The following PSMD1 variants were observed in gnomAD, a reference collection of about 807,000 sequenced individuals.
The protein encoded by PSMD1 is proteasome 26S subunit, non-ATPase 1, also known as 26S proteasome non-ATPase regulatory subunit 1.
PSMD1 carries 18 observed loss-of-function variants against 119.0 expected under a neutral mutation model. The observed-to-expected ratio is 0.15, with a 90% CI of 0.10 to 0.22. The LOEUF is 0.22. PSMD1 is among the 10% of genes least tolerant of loss of function. The probability of loss-of-function intolerance (pLI) is 1.00; values close to 1 mark genes in which losing one functional copy is unlikely to be tolerated. For missense variants in PSMD1, 702 were observed against 1,158.5 expected, an observed-to-expected ratio of 0.61 and a Z score of 5.72; for synonymous variants, 374 against 396.6, an observed-to-expected ratio of 0.94 and a Z score of 0.68.
intron 7 of PSMD1, 149 bp downstream of exon 7, chr2:231,072,564 G>C: frequency 1.4e-6 from 1 of 696,524 alleles, no homozygotes; most frequent in Non-Finnish European, 2.4e-6. Flanking sequence ...CTGTTGCTCT[G>C]TTTTGTACTG....
chr2:231,124,832 A>G (rs185420028), intron 16 of PSMD1: 1 of 151,864 alleles, frequency 6.6e-6, no homozygotes, highest in Admixed American at 6.6e-5. Context: ...GTTTTTAAAA[A>G]CTCTCCTTTA....
At chr2:231,156,648 TC>T (rs542705392) in intron 19 of PSMD1, among the ~76,000 whole-genome samples, 84 of 152,266 alleles carry the variant, frequency 5.5e-4, no homozygotes, top group African/African-American at 1.9e-3. Context: ...TGTAGTGATA[TC>T]CCCTTTTTCA....
intron 16 of PSMD1, chr2:231,113,959 T>G: frequency 6.3e-7 from 1 of 1,591,090 alleles, no homozygotes; most frequent in Non-Finnish European, 8.6e-7. Flanking sequence ...GACAAACATT[T>G]TATTCTATAA....
At chr2:231,154,606 T>C (rs1278424024) in intron 19 of PSMD1, among the ~76,000 whole-genome samples, 1 of 152,208 alleles carries the variant, frequency 6.6e-6, no homozygotes, top group Non-Finnish European at 1.5e-5. Flanking sequence ...TAGCTGAGAC[T>C]ACAAGCATAT....
At chr2:231,159,252 A>G (rs1350137950) in intron 19 of PSMD1, among the ~76,000 whole-genome samples, 1 of 152,326 alleles carries the variant, frequency 6.6e-6, no homozygotes, top group East Asian at 1.9e-4. Flanking sequence ...AAGTTCTGTG[A>G]TCCAGCACTA....
chr2:231,105,573 T>G (rs2125198094), intron 16 of PSMD1, among the ~76,000 whole-genome samples: 1 of 152,220 alleles, frequency 6.6e-6, no homozygotes, highest in East Asian at 1.9e-4. Flanking sequence ...ACAGTCTTGG[T>G]GGTCCCTTGC....
chr2:231,082,648 T>C (rs1182654682), intron 12 of PSMD1, among the ~76,000 whole-genome samples: 1 of 152,194 alleles, frequency 6.6e-6, no homozygotes, highest in Non-Finnish European at 1.5e-5. Flanking sequence ...GAGTTTGCAG[T>C]GAGCCCAGAT....
chr2:231,112,301 T>G (rs764834272), intron 16 of PSMD1, among the ~76,000 whole-genome samples: 9 of 152,244 alleles, frequency 5.9e-5, no homozygotes, highest in Non-Finnish European at 8.8e-5. Context: ...ATTCCCTTTC[T>G]GTAGCTGCTT....
At chr2:231,108,208 A>G in intron 16 of PSMD1, 1 of 283,656 alleles carries the variant, frequency 3.5e-6, no homozygotes, top group Non-Finnish European at 6.7e-6. Flanking sequence ...TAGAAACCAA[A>G]TAAATTTTAT....
chr2:231,072,515 T>G, intron 7 of PSMD1, 100 bp downstream of exon 7: 1 of 1,109,738 alleles, frequency 9.0e-7, no homozygotes, highest in Non-Finnish European at 1.3e-6. Flanking sequence ...AAGAATAAAT[T>G]TTGCCACTAG....
At chr2:231,153,777 C>G in intron 19 of PSMD1, 111 bp downstream of exon 19, 1 of 787,322 alleles carries the variant, frequency 1.3e-6, no homozygotes, top group Non-Finnish European at 2.0e-6. Context: ...CAAATTATTC[C>G]TGGAGAAAAT....
At chr2:231,159,120 C>T (rs1322541003) in intron 19 of PSMD1, among the ~76,000 whole-genome samples, 1 of 152,066 alleles carries the variant, frequency 6.6e-6, no homozygotes, top group East Asian at 1.9e-4. Context: ...ACACTGAGAT[C>T]AAGAGAAGAG....
intron 21 of PSMD1, among the ~76,000 whole-genome samples, chr2:231,164,773 T>C (rs978140238): frequency 2.0e-5 from 3 of 151,832 alleles, no homozygotes; most frequent in Admixed American, 2.0e-4. Context: ...AGAGAGGATA[T>C]CTACAACCAG....
rs555741292 is a variant in PSMD1, at chr2:231,166,553, G to C, written c.2715+536G>C. Among the ~76,000 whole-genome samples the C allele has an allele frequency of 8.8e-5, 13 of 147,418 alleles. No individual in the cohort carries two copies. The South Asian group carries it at 2.6e-3, about 30-fold the overall frequency. ...ATTACACCATTGTCATAAATGCATT[G>C]CATTTTAGTTAGAAAAGGATCTTCA... On this transcript the variant is annotated intron_variant, in intron 23 of 24. Coordinates refer to ENST00000308696, the MANE Select transcript of PSMD1 (RefSeq NM_002807.4).
chr2:231,113,947 AAGACAAACAT>A, intron 16 of PSMD1: 1 of 1,604,662 alleles, frequency 6.2e-7, no homozygotes, highest in Non-Finnish European at 8.5e-7. Flanking sequence ...AAACAAAAAC[AAGACAAACAT>A]TTTATTCTAT....
chr2:231,068,606 C>A (rs1481036268), intron 5 of PSMD1, among the ~76,000 whole-genome samples: 1 of 152,188 alleles, frequency 6.6e-6, no homozygotes, highest in Admixed American at 6.5e-5. Context: ...CTGACTAGCA[C>A]AACGAAATCT....
At chr2:231,142,832 A>G (rs1475423147) in intron 17 of PSMD1, among the ~76,000 whole-genome samples, 1 of 152,156 alleles carries the variant, frequency 6.6e-6, no homozygotes, top group South Asian at 2.1e-4. Context: ...GTGTCATTAC[A>G]TGTTTCAGTA....
At chr2:231,120,560 T>G (rs1574749213) in intron 16 of PSMD1, among the ~76,000 whole-genome samples, 1 of 152,322 alleles carries the variant, frequency 6.6e-6, no homozygotes, top group East Asian at 1.9e-4. Context: ...GCCTGAGTTG[T>G]CATAATCTTG....
At chr2:231,057,941 C>T (rs890185750) in intron 1 of PSMD1, among the ~76,000 whole-genome samples, 6 of 152,208 alleles carry the variant, frequency 3.9e-5, no homozygotes, top group African/African-American at 1.2e-4. Context: ...ACAAAGAAAG[C>T]ATTTTATTGT....
Sources: allele counts gnomAD v4.1 joint callset (sites outside exome capture counted in the v4.1 genomes callset), GRCh38; gene constraint gnomAD v4.1.1; transcripts MANE v1.5; gene names NCBI Gene and HGNC (gene_info 2026-07-23, HGNC 2026-07-21).